C1orf105: variants seen among roughly 807,000 people sequenced by gnomAD.
The protein encoded by C1orf105 is chromosome 1 open reading frame 105.
A neutral mutation model predicts 20.8 loss-of-function variants in C1orf105; 17 were observed. The ratio of observed to expected loss-of-function variants is 0.82; its 90% CI spans 0.56 to 1.23. C1orf105 has a LOEUF of 1.23. C1orf105 is among the 50% of genes most tolerant of loss of function. The pLI, the probability that C1orf105 is intolerant of heterozygous loss-of-function variation, is 0.00. For missense variants in C1orf105, 219 were observed against 213.5 expected (o/e 1.03, Z -0.16); for synonymous variants, 72 against 72.1 (o/e 1.00, Z 0.01).
At chr1:172,467,477 A>C (rs1225202288) in intron 6 of C1orf105, among the ~76,000 whole-genome samples, 1 of 152,160 alleles carries the variant, frequency 6.6e-6, no homozygotes, top group Non-Finnish European at 1.5e-5. Flanking sequence ...ACACCCACGG[A>C]CTCTTAATCT....
intron 4 of C1orf105, among the ~76,000 whole-genome samples, chr1:172,460,738 T>C (rs936583608): frequency 5.9e-5 from 9 of 152,030 alleles, no homozygotes; most frequent in African/African-American, 2.2e-4. Context: ...ATGTAATCAA[T>C]ATAAACAGAA....
Position 172,422,340 on chromosome 1 carries a change from G to T in C1orf105, c.21+1434G>T, listed in dbSNP as rs540014113. Among the ~76,000 whole-genome samples the T allele has an allele frequency of 1.9e-3, 286 of 152,284 alleles. 1 individual carries two copies. Among genetic ancestry groups the T allele is most frequent in the African/African-American group, 6.4e-3 (264 of 41,568 alleles). On this transcript the variant is annotated intron_variant, in intron 1 of 6. Transcript: ENST00000367727. ...TGGGCAAAATCCTGAGGCACTCATTGCAGGCCCTAGCTCTTGGATGACATT... is the reference window on the plus strand; with the variant it reads ...TGGGCAAAATCCTGAGGCACTCATTTCAGGCCCTAGCTCTTGGATGACATT...
intron 3 of C1orf105, among the ~76,000 whole-genome samples, chr1:172,455,410 A>G (rs918358595): frequency 6.6e-6 from 1 of 152,188 alleles, no homozygotes; most frequent in African/African-American, 2.4e-5. Context: ...CAAGCGGATC[A>G]AAGGAAAGAG....
At chr1:172,451,562 T>A (rs978916706) in intron 3 of C1orf105, among the ~76,000 whole-genome samples, 1 of 152,258 alleles carries the variant, frequency 6.6e-6, no homozygotes, top group African/African-American at 2.4e-5. Flanking sequence ...ATATTGCTTA[T>A]GTTGATCTAG....
At chr1:172,431,068 G>C (rs1267154859) in intron 1 of C1orf105, 1 of 657,580 alleles carries the variant, frequency 1.5e-6, no homozygotes, top group East Asian at 2.8e-5. Flanking sequence ...CCTATTTCCT[G>C]AGACACAACA....
rs11462736 is a variant in C1orf105 at position 172,451,867 on chromosome 1, CTTTTT to C, written c.198+3354_198+3358del. On this transcript the variant is annotated intron_variant, in intron 3 of 6. Coordinates refer to ENST00000367727, the MANE Select transcript of C1orf105 (RefSeq NM_139240.4). ...AAATAATTCTGCCTTTATATGGATTCTTTTTTTTTTTTTTTTTTTTTTGAGACGGA... is the reference window on the plus strand; with the variant it reads ...AAATAATTCTGCCTTTATATGGATTCTTTTTTTTTTTTTTTTTGAGACGGA... Among the ~76,000 whole-genome samples the C allele has an allele frequency of 7.0e-5, 6 of 85,196 alleles. No individual in the cohort carries two copies. In the South Asian group the frequency reaches 2.7e-3, roughly 38 times the overall value. The allele number at this position is 85,196 out of a possible 152,430, so 55.9% of individuals were successfully genotyped here. A position where few individuals can be genotyped will look rare whatever the true frequency, so the allele number is the denominator to read the frequency against.
At chr1:172,425,577 G>T (rs1423979009) in intron 1 of C1orf105, among the ~76,000 whole-genome samples, 1 of 152,036 alleles carries the variant, frequency 6.6e-6, no homozygotes, top group Non-Finnish European at 1.5e-5. Context: ...GCCTTATCAG[G>T]CCCAACCTTC....
At chr1:172,443,269 T>C (rs1342401757) in intron 1 of C1orf105, 1 of 167,204 alleles carries the variant, frequency 6.0e-6, no homozygotes, top group African/African-American at 2.4e-5. Flanking sequence ...ACATATCCCT[T>C]AGGTATATCA....
At chr1:172,443,975 G>A in intron 1 of C1orf105, 1 of 1,000,228 alleles carries the variant, frequency 1.0e-6, no homozygotes. Context: ...ACCGTTACAC[G>A]GAACCCACCT....
intron 3 of C1orf105, among the ~76,000 whole-genome samples, chr1:172,451,559 T>G (rs1241314745): frequency 1.3e-5 from 2 of 152,364 alleles, no homozygotes; most frequent in African/African-American, 4.8e-5. Flanking sequence ...TTTATATTGC[T>G]TATGTTGATC....
At chr1:172,428,366 T>G (rs1049662767) in intron 1 of C1orf105, among the ~76,000 whole-genome samples, 2 of 152,210 alleles carry the variant, frequency 1.3e-5, no homozygotes, top group African/African-American at 2.4e-5. Flanking sequence ...GACCCTCCAA[T>G]GGCTCCTATC....
chr1:172,428,791 C>T (rs567459183), intron 1 of C1orf105: 51 of 697,524 alleles, frequency 7.3e-5, no homozygotes, highest in African/African-American at 6.7e-4. Flanking sequence ...TTTTTATTTA[C>T]AGATATATTC....
At position 172,441,964 on chromosome 1, in the gene C1orf105, A is replaced by G. The variant is rs786205667; in HGVS notation, c.22-3109A>G. 3.1e-6 allele frequency: 5 copies of G among 1,614,208 alleles called. No individual in the cohort carries two copies. The highest frequency in any genetic ancestry group is 3.4e-6 in the Non-Finnish European group (4 of 1,180,026). On this transcript the variant is annotated intron_variant, in intron 1 of 6. Transcript: ENST00000367727. ...ATAGCTCCGGGGAGTACATGCCTTTAGTTTCTTCTGCAACATGGGCCACAG... is the reference window on the plus strand; with the variant it reads ...ATAGCTCCGGGGAGTACATGCCTTTGGTTTCTTCTGCAACATGGGCCACAG...
At chr1:172,450,921 T>C (rs1648559398) in intron 3 of C1orf105, 1 of 152,276 alleles carries the variant, frequency 6.6e-6, no homozygotes, top group Non-Finnish European at 1.5e-5. Context: ...GAAAGATTTT[T>C]AGTGAAGACA....
intron 3 of C1orf105, among the ~76,000 whole-genome samples, chr1:172,451,642 T>C (rs556581208): frequency 1.3e-5 from 2 of 152,310 alleles, no homozygotes; most frequent in Admixed American, 1.3e-4. Flanking sequence ...GTGATGGTAA[T>C]AAAAATCAAA....
At chr1:172,465,164 C>T (rs956594211) in intron 5 of C1orf105, 135 bp from the exon 6 acceptor site, 1 of 308,538 alleles carries the variant, frequency 3.2e-6, no homozygotes, top group Non-Finnish European at 5.3e-6. Context: ...GCCTGGGCAA[C>T]AAGCGCAAAA....
chr1:172,446,845 C>T (rs1648068844), intron 2 of C1orf105, among the ~76,000 whole-genome samples: 1 of 152,188 alleles, frequency 6.6e-6, no homozygotes, highest in Non-Finnish European at 1.5e-5. Flanking sequence ...GCAGTTTTTC[C>T]TCCAGCCAGC....
intron 3 of C1orf105, among the ~76,000 whole-genome samples, chr1:172,451,626 A>C (rs899743532): frequency 6.6e-6 from 1 of 152,198 alleles, no homozygotes; most frequent in Non-Finnish European, 1.5e-5. Context: ...CTATTGACCT[A>C]AAATAGTGAT....
At chr1:172,427,697 C>G (rs1260093996) in intron 1 of C1orf105, among the ~76,000 whole-genome samples, 2 of 152,182 alleles carry the variant, frequency 1.3e-5, no homozygotes, top group African/African-American at 4.8e-5. Context: ...ACATTCAGCA[C>G]TTGGTTTGCA....
Sources: allele counts gnomAD v4.1 joint callset (sites outside exome capture counted in the v4.1 genomes callset), GRCh38; gene constraint gnomAD v4.1.1; transcripts MANE v1.5; gene names NCBI Gene and HGNC (gene_info 2026-07-23, HGNC 2026-07-21).